CTNNBIP1: variants seen among roughly 807,000 people sequenced by gnomAD.
CTNNBIP1 encodes catenin beta interacting protein 1.
In CTNNBIP1, 7 loss-of-function variants were observed where a neutral mutation model predicts 11.8. The ratio of observed to expected loss-of-function variants is 0.60; its 90% CI spans 0.34 to 1.12. CTNNBIP1 has a LOEUF of 1.12. Ranked by LOEUF, CTNNBIP1 falls within the 50% of genes most tolerant of loss-of-function variation. The probability of loss-of-function intolerance (pLI) is 0.03; values close to 1 mark genes in which losing one functional copy is unlikely to be tolerated. For missense variants in CTNNBIP1, 101 were observed against 113.4 expected (o/e 0.89, Z 0.50); for synonymous variants, 58 against 43.9 (o/e 1.32, Z -1.26).
At chr1:9,876,845 TACACACACACACACACACACACAC>T (rs34192085) in intron 3 of CTNNBIP1, among the ~76,000 whole-genome samples, 1 of 138,102 alleles carries the variant, frequency 7.2e-6, no homozygotes, top group Non-Finnish European at 1.6e-5. Context: ...CTGCTATACA[TACACACACACACACACACACACAC>T]ACACACACAC....
At chr1:9,857,079 G>C (rs1638519684) in intron 5 of CTNNBIP1, among the ~76,000 whole-genome samples, 2 of 150,214 alleles carry the variant, frequency 1.3e-5, no homozygotes, top group South Asian at 4.3e-4. Context: ...CCAAGATCAC[G>C]CCACTGCACT....
chr1:9,885,753 G>C (rs1639175951), intron 1 of CTNNBIP1, among the ~76,000 whole-genome samples: 1 of 152,056 alleles, frequency 6.6e-6, no homozygotes, highest in Non-Finnish European at 1.5e-5. Context: ...AGACCAGCCT[G>C]ACCAACATGG....
intron 2 of CTNNBIP1, among the ~76,000 whole-genome samples, chr1:9,879,999 T>C (rs942632918): frequency 6.6e-6 from 1 of 152,236 alleles, no homozygotes; most frequent in Non-Finnish European, 1.5e-5. Context: ...CCGGGATACA[T>C]GTGCAGAACG....
At chr1:9,894,132 A>G (rs1639362809) in intron 1 of CTNNBIP1, among the ~76,000 whole-genome samples, 1 of 152,192 alleles carries the variant, frequency 6.6e-6, no homozygotes, top group Non-Finnish European at 1.5e-5. Flanking sequence ...AAGAACATCC[A>G]CATACCTTGC....
chr1:9,895,088 T>TA (rs1557764308), intron 1 of CTNNBIP1, among the ~76,000 whole-genome samples: 1 of 150,310 alleles, frequency 6.7e-6, no homozygotes, highest in African/African-American at 2.5e-5. Context: ...TTTGTATTTT[T>TA]AGTAGAGACA....
At chr1:9,865,722 C>T (rs1400416270) in intron 5 of CTNNBIP1, among the ~76,000 whole-genome samples, 2 of 152,172 alleles carry the variant, frequency 1.3e-5, no homozygotes, top group Non-Finnish European at 2.9e-5. Context: ...GGGAACTTAA[C>T]AAAGGGTAAG....
At chr1:9,888,306 G>C (rs1210785093) in intron 1 of CTNNBIP1, among the ~76,000 whole-genome samples, 3 of 151,994 alleles carry the variant, frequency 2.0e-5, no homozygotes, top group Non-Finnish European at 4.4e-5. Flanking sequence ...TGGTGGCCGG[G>C]CGCGGTGGCT....
intron 3 of CTNNBIP1, among the ~76,000 whole-genome samples, chr1:9,874,660 C>T (rs1045047742): frequency 8.5e-5 from 13 of 152,318 alleles, no homozygotes; most frequent in African/African-American, 3.1e-4. Context: ...CCCTGTCCTC[C>T]GGGAGACTAG....
At chr1:9,907,488 C>T (rs75190275) in intron 1 of CTNNBIP1, among the ~76,000 whole-genome samples, 1,918 of 152,214 alleles carry the variant, frequency 0.013, 36 homozygotes, top group South Asian at 0.075. Flanking sequence ...TCATTAATAG[C>T]TCAAGTTTGT....
intron 5 of CTNNBIP1, among the ~76,000 whole-genome samples, chr1:9,852,650 C>T (rs537979489): frequency 5.9e-5 from 9 of 152,166 alleles, no homozygotes; most frequent in Admixed American, 2.0e-4. Flanking sequence ...TAACAGATGC[C>T]GACTTTTCCT....
chr1:9,899,364 G>A (rs1639474795), intron 1 of CTNNBIP1, among the ~76,000 whole-genome samples: 1 of 150,334 alleles, frequency 6.7e-6, no homozygotes, highest in African/African-American at 2.5e-5. Flanking sequence ...GCTGAGGCAG[G>A]AGAATCGCTG....
chr1:9,865,228 C>CAA (rs34199460), intron 5 of CTNNBIP1, among the ~76,000 whole-genome samples: 4 of 86,490 alleles, frequency 4.6e-5, no homozygotes, highest in South Asian at 3.2e-4. Flanking sequence ...GACTCTGTCT[C>CAA]AAAAAAAAAA....
At position 9,872,891 on chromosome 1, in the gene CTNNBIP1, G is replaced by C. The variant is rs2101483548; in HGVS notation, c.-24-803C>G. Among the ~76,000 whole-genome samples, 1 of 152,262 alleles carries C rather than the reference G, an allele frequency of 6.6e-6. No homozygotes were observed. The highest frequency in any genetic ancestry group is 2.1e-4 in the South Asian group (1 of 4,826). ...TATGGAGGGGCTTGGGTTACACACTGGTAACTCCTGGATGAGTCAGAAATA... is the reference window on the plus strand; with the variant it reads ...TATGGAGGGGCTTGGGTTACACACTCGTAACTCCTGGATGAGTCAGAAATA... On this transcript the variant is annotated intron_variant, in intron 3 of 5. Coordinates refer to ENST00000377263, the MANE Select transcript of CTNNBIP1 (RefSeq NM_020248.3). The surrounding 1 kb of genome is among the most constrained non-coding windows in gnomAD (Gnocchi z 4.0).
At chr1:9,894,939 A>C (rs1234836043) in intron 1 of CTNNBIP1, among the ~76,000 whole-genome samples, 8 of 115,070 alleles carry the variant, frequency 7.0e-5, no homozygotes, top group Admixed American at 2.0e-4. Flanking sequence ...ACAGAGTCTC[A>C]CTCTGTCCCT....
intron 3 of CTNNBIP1, among the ~76,000 whole-genome samples, chr1:9,876,750 T>A (rs1407798066): frequency 6.6e-6 from 1 of 152,110 alleles, no homozygotes; most frequent in Admixed American, 6.6e-5. Context: ...GTGGGTGCCA[T>A]CCCAGAAAAT....
At chr1:9,868,960 G>T (rs1487405322) in intron 5 of CTNNBIP1, among the ~76,000 whole-genome samples, 2 of 151,844 alleles carry the variant, frequency 1.3e-5, no homozygotes, top group Non-Finnish European at 2.9e-5. Context: ...CAAAATTTCT[G>T]ACAGTCTGGT....
At chr1:9,866,128 C>T (rs1047371306) in intron 5 of CTNNBIP1, among the ~76,000 whole-genome samples, 9 of 152,152 alleles carry the variant, frequency 5.9e-5, no homozygotes, top group Non-Finnish European at 7.3e-5. Flanking sequence ...GCTCAGAGCC[C>T]GGTCAATAGA....
At chr1:9,855,689 T>C (rs1259662448) in intron 5 of CTNNBIP1, among the ~76,000 whole-genome samples, 1 of 150,500 alleles carries the variant, frequency 6.6e-6, no homozygotes, top group Non-Finnish European at 1.5e-5. Context: ...GAAGAAAATA[T>C]AGAAACAAAT....
intron 1 of CTNNBIP1, among the ~76,000 whole-genome samples, chr1:9,907,857 C>T (rs1181337762): frequency 6.6e-6 from 1 of 152,226 alleles, no homozygotes; most frequent in Non-Finnish European, 1.5e-5. Flanking sequence ...CTGCAATAGT[C>T]TGTCTCATAA....
Sources: gnomAD v4.1 joint callset for allele counts (sites outside exome capture counted in the v4.1 genomes callset) on GRCh38, gnomAD v4.1.1 for gene constraint, Gnocchi (gnomAD v3.1) non-coding constraint, MANE v1.5 for transcripts, NCBI Gene and HGNC (gene_info 2026-07-23, HGNC 2026-07-21) for gene names.